Variants in RETSAT observed in about 807,000 individuals in gnomAD.
RETSAT encodes retinol saturase, also known as all-trans-retinol 13,14-reductase.
RETSAT carries 35 observed loss-of-function variants against 61.6 expected under a neutral mutation model. The ratio of observed to expected loss-of-function variants is 0.57; its 90% confidence interval spans 0.43 to 0.75. RETSAT has a LOEUF of 0.75. Ranked by LOEUF, RETSAT falls within the 30% of genes least tolerant of loss-of-function variation. The pLI is 0.00. For synonymous variants in RETSAT, 277 were observed against 310.4 expected, an observed-to-expected ratio of 0.89 and a Z score of 1.13; for missense variants, 670 against 759.5, an observed-to-expected ratio of 0.88 and a Z score of 1.38.
chr2:85,346,854 T>C (rs938376), intron 5 of RETSAT, among the ~76,000 whole-genome samples: 5,101 of 152,304 alleles, frequency 0.033, 227 homozygotes, highest in African/African-American at 0.1. Context: ...TACAGCAGCC[T>C]GTGCAATGTG....
Position 85,342,003 on chromosome 2 carries a change from T to C in RETSAT, c.*1239A>G, listed in dbSNP as rs774663787. 2 of 578,440 alleles carry C rather than the reference T, an allele frequency of 3.5e-6. No individual in the cohort carries two copies. Among genetic ancestry groups the C allele is most frequent in the Non-Finnish European group, 6.1e-6 (2 of 329,404 alleles). The allele number at this position is 578,440 out of a possible 1,614,324, so 35.8% of individuals were successfully genotyped here. A position where few individuals can be genotyped will look rare whatever the true frequency, so the allele number is the denominator to read the frequency against. On this transcript the variant is annotated 3_prime_UTR_variant, in exon 11 of 11. Coordinates refer to ENST00000295802, the MANE Select transcript of RETSAT (RefSeq NM_017750.4). ...ATTTTTTTAAAGCTTATTTTGGTGT[T>C]ATTCAGTATATAGTGTTTTACTGAG...
Position 85,350,784 on chromosome 2 carries a change from A to C in RETSAT, c.593T>G (p.Val198Gly), listed in dbSNP as rs370144989. The change falls in exon 3 of 11, where the codon GTT (valine) becomes GGT (glycine). Residue 198 changes from valine to glycine, a missense_variant. Physicochemically the swap from Val to Gly is moderately radical, Grantham distance 109. Coordinates refer to ENST00000295802, the MANE Select transcript of RETSAT (RefSeq NM_017750.4). ...TCCTCAGCATGTCCATGTTACCTTA[A>C]CCAGCTTTATATACTTGTCAATGAT... ...EAIIDKYIKL[V>G]KVVSSGAPHA... is the part of the protein sequence containing the mutation. The C allele has an allele frequency of 1.2e-6, 2 of 1,614,044 alleles. No individual in the cohort carries two copies. Among genetic ancestry groups the C allele is most frequent in the African/African-American group, 2.7e-5 (2 of 74,930 alleles).
In RETSAT at chr2:85,343,782, G is replaced by T; in HGVS notation, c.1550C>A (p.Ala517Glu). 1 of 1,613,834 alleles carries T rather than the reference G, an allele frequency of 6.2e-7. No homozygotes were observed. Among genetic ancestry groups the T allele is most frequent in the Non-Finnish European group, 8.5e-7 (1 of 1,179,808 alleles). The change falls in exon 10 of 11, where the codon GCA (alanine) becomes GAA (glutamate). Residue 517 changes from alanine (A) to glutamate (E), a missense_variant. By Grantham distance (107) the Ala-to-Glu change is moderately radical. Transcript: ENST00000295802. ...QLEGKVESVT[A>E]GSPLTNQFYL... is the part of the protein sequence containing the mutation. ...GAACTGGTTGGTGAGTGGGGATCCT[G>T]CAGTCACACTCTCCACCTGAGGGCA... is the stretch of plus-strand genomic sequence containing the variant.
At chr2:85,351,308 T>C in intron 2 of RETSAT, 1 of 477,494 alleles carries the variant, frequency 2.1e-6, no homozygotes, top group Non-Finnish European at 3.8e-6. Flanking sequence ...GGTGGATCAC[T>C]TGAGGTCAGG....
At chr2:85,350,388 T>C in intron 3 of RETSAT, 147 bp from the exon 4 acceptor site, 3 of 664,492 alleles carry the variant, frequency 4.5e-6, no homozygotes, top group Non-Finnish European at 7.9e-6. Context: ...AAAAAATCTA[T>C]ACTCTGTGAA....
chr2:85,349,305 T>A lies in RETSAT; in HGVS notation c.997+79A>T, dbSNP rs572229299. ...ATGAGGAGGTCAGTTCTCCTACTCC[T>A]TCTGGTCTCAGGGAGACCCCAGGTC... On this transcript the variant is annotated intron_variant, in intron 5 of 10. Transcript: ENST00000295802. 5.9e-5 allele frequency: 83 copies of A among 1,405,508 alleles called. No individual in the cohort carries two copies. In the East Asian group the frequency reaches 1.7e-3, roughly 28 times the overall value. 87.1% of individuals were successfully genotyped at this position (1,405,508 alleles called of 1,614,324 possible).
Position 85,344,302 on chromosome 2 carries a change from T to C in RETSAT, c.1303A>G (p.Ile435Val). 6.2e-7 allele frequency: 1 copy of C among 1,614,062 alleles called. No individual in the cohort carries two copies. Among genetic ancestry groups the C allele is most frequent in the Non-Finnish European group, 8.5e-7 (1 of 1,180,010 alleles). The change falls in exon 8 of 11, where the codon ATC becomes GTC. Residue 435 changes from isoleucine (I) to valine (V), a missense_variant. Physicochemically the swap from Ile to Val is conservative, Grantham distance 29. Coordinates refer to ENST00000295802, the MANE Select transcript of RETSAT (RefSeq NM_017750.4). Reference sequence around the variant, plus strand: ...GGGAAAGCGAAGAAGAGAAGAGGGATGTGTTCCGCAGCCTCTTCCCTGGGC... The same window carrying C: ...GGGAAAGCGAAGAAGAGAAGAGGGACGTGTTCCGCAGCCTCTTCCCTGGGC... ...SMPREEAAEHIPLLFFAFPSA... is the reference protein window; with the variant it reads ...SMPREEAAEHVPLLFFAFPSA...
chr2:85,354,406 G>A lies in RETSAT; in HGVS notation c.102C>T (p.Ser34=), dbSNP rs1457223178. 1.2e-6 allele frequency: 2 copies of A among 1,614,082 alleles called. No individual in the cohort carries two copies. Among genetic ancestry groups the A allele is most frequent in the Non-Finnish European group, 1.7e-6 (2 of 1,180,044 alleles). Residue 34 remains serine, a synonymous_variant, in exon 1 of 11, where the codon TCC becomes TCT. Coordinates refer to ENST00000295802, the MANE Select transcript of RETSAT (RefSeq NM_017750.4). ...GCGCTGGGGGCCGTTTGACATCTTC[G>A]GAGAAAGGATTCGGGGAGCTGCCAG... The part of the protein sequence containing the change: ...LFSGSSPNPF[S]EDVKRPPAPL...
Position 85,354,431 on chromosome 2 carries a change from G to C in RETSAT, c.77C>G (p.Ser26Cys). 1 of 1,614,246 alleles carries C rather than the reference G, an allele frequency of 6.2e-7. No individual in the cohort carries two copies. Among genetic ancestry groups the C allele is most frequent in the Non-Finnish European group, 8.5e-7 (1 of 1,180,044 alleles). Residue 26 changes from serine (S) to cysteine (C), a missense_variant, in exon 1 of 11, where the codon TCT becomes TGT. Transcript: ENST00000295802. ...VLCKVYLGLF[S>C]GSSPNPFSED... ...GGAGAAAGGATTCGGGGAGCTGCCA[G>C]AGAATAGTCCCAAGTAAACTTTGCA... is the stretch of plus-strand genomic sequence containing the variant.
At chr2:85,349,683 C>T (rs374046916) in intron 4 of RETSAT, 102 bp from the exon 5 acceptor site, 123 of 1,003,868 alleles carry the variant, frequency 1.2e-4, no homozygotes, top group Middle Eastern at 2.1e-4. Context: ...CCAGTCTATC[C>T]GAGGAACCAC....
intron 2 of RETSAT, 148 bp from the exon 3 acceptor site, chr2:85,351,169 C>T (rs1211978797): frequency 2.1e-6 from 2 of 949,646 alleles, no homozygotes; most frequent in African/African-American, 3.3e-5. Context: ...AGGGAGGTGT[C>T]ACAGCAGAAA....
rs779623332 is a variant in RETSAT, at chr2:85,349,646, G to A, written c.800-65C>T. The stretch of plus-strand genomic sequence containing the variant: ...GCACCAGCACCATTCAGAAAGGAAC[G>A]TGGAATTCTGTGAGATAACACACAG... On this transcript the variant is annotated intron_variant, in intron 4 of 10. Coordinates refer to ENST00000295802, the MANE Select transcript of RETSAT (RefSeq NM_017750.4). 238 of 1,352,336 alleles carry A rather than the reference G, an allele frequency of 1.8e-4. 1 individual carries two copies. In the Middle Eastern group the frequency reaches 2.7e-3, roughly 15 times the overall value. 83.8% of individuals were successfully genotyped at this position (1,352,336 alleles called of 1,614,324 possible).
rs73945718 is a variant in RETSAT, at chr2:85,351,579, C to T, written c.355+101G>A. ...AAAAGTACCCAGAGAGAAGATGGCA[C>T]TTCCAAAACAACAGAAATGCTCAGT... On this transcript the variant is annotated intron_variant, in intron 2 of 10. Transcript: ENST00000295802. 9.3e-3 allele frequency: 11,327 copies of T among 1,214,694 alleles called. 403 individuals carry two copies. In the African/African-American group the frequency reaches 0.095, roughly 10 times the overall value. The allele number at this position is 1,214,694 out of a possible 1,614,324, so 75.2% of individuals were successfully genotyped here.
intron 2 of RETSAT, among the ~76,000 whole-genome samples, 168 bp from the exon 3 acceptor site, chr2:85,351,189 C>T (rs151235773): frequency 8.5e-5 from 13 of 152,214 alleles, no homozygotes; most frequent in East Asian, 1.9e-4. Flanking sequence ...ACCGCCAGAT[C>T]GCTGCCCGAT....
At position 85,350,027 on chromosome 2, in the gene RETSAT, GCCCAGTA is replaced by G; in HGVS notation, c.799+6_799+12del. On this transcript the variant is annotated splice_donor_region_variant and intron_variant, in intron 4 of 10. Transcript: ENST00000295802. ...CCTCCAGAAGCTGCCCAGAGCCCAG[GCCCAGTA>G]CCCACCGTAAGTGGGGAAGATGTAG... 6.2e-7 allele frequency: 1 copy of G among 1,611,984 alleles called. No homozygotes were observed. Among genetic ancestry groups the G allele is most frequent in the South Asian group, 1.1e-5 (1 of 91,028 alleles).
intron 10 of RETSAT, 77 bp from the exon 11 acceptor site, chr2:85,343,458 C>A: frequency 6.4e-7 from 1 of 1,562,532 alleles, no homozygotes; most frequent in Non-Finnish European, 8.7e-7. Context: ...GTGCTCTTCC[C>A]TCCACATGAG....
rs200407016 is a variant in RETSAT, at chr2:85,351,743, G to T, written c.292C>A (p.Gln98Lys). ...CAGCAGCCCCCTGCCTTGGTATGTTGTTCCAGCACCAGGACTCGCTTGCCA... is the reference window on the plus strand; with the variant it reads ...CAGCAGCCCCCTGCCTTGGTATGTTTTTCCAGCACCAGGACTCGCTTGCCA... ...KAGKRVLVLE[Q>K]HTKAGGCCHT... The change falls in exon 2 of 11, where the codon CAA becomes AAA. Residue 98 changes from glutamine to lysine, a missense_variant. Coordinates refer to ENST00000295802, the MANE Select transcript of RETSAT (RefSeq NM_017750.4). 58 of 1,614,166 alleles carry T rather than the reference G, an allele frequency of 3.6e-5. No individual in the cohort carries two copies. The African/African-American group carries it at 7.3e-4, about 20-fold the overall frequency.
intron 6 of RETSAT, chr2:85,345,544 C>T (rs546904608): frequency 4.1e-5 from 14 of 341,754 alleles, no homozygotes; most frequent in Admixed American, 8.0e-5. Context: ...CTCTTCCCAG[C>T]GGCCTCCCTT....
rs1240560765 is a variant in RETSAT at position 85,344,147 on chromosome 2, A to G, written c.1385T>C (p.Met462Thr). ...CCACTCGTAGGCAGTGGGTATGAGC[A>G]TGATCATGGTGGACCGGCCTGGGGA... is the stretch of plus-strand genomic sequence containing the variant. ...DRFPGRSTMI[M>T]LIPTAYEWFE... The change falls in exon 9 of 11, where the codon ATG becomes ACG. Residue 462 changes from methionine (M) to threonine (T), a missense_variant. Coordinates refer to ENST00000295802, the MANE Select transcript of RETSAT (RefSeq NM_017750.4). 7 of 1,613,976 alleles carry G rather than the reference A, an allele frequency of 4.3e-6. No individual in the cohort carries two copies. In the African/African-American group the frequency reaches 8.0e-5, roughly 18 times the overall value.
Sources: allele counts gnomAD v4.1 joint callset (sites outside exome capture counted in the v4.1 genomes callset), GRCh38; gene constraint gnomAD v4.1.1; transcripts MANE v1.5; gene names NCBI Gene and HGNC (gene_info 2026-07-23, HGNC 2026-07-21).